AATK: variants seen among roughly 807,000 people sequenced by gnomAD.
The protein encoded by AATK is serine/threonine-protein kinase LMTK1.
Under a neutral mutation model 114.3 loss-of-function variants are expected in AATK, and 91 were observed. The ratio of observed to expected loss-of-function variants is 0.80; its 90% CI spans 0.67 to 0.95. The LOEUF is 0.95. AATK is among the 40% of genes least tolerant of loss of function. The pLI is 0.00. For missense variants in AATK, 2,176 were observed against 1,965.2 expected, an observed-to-expected ratio of 1.11 and a Z score of -2.03; for synonymous variants, 1,075 against 916.5, an observed-to-expected ratio of 1.17 and a Z score of -3.12.
chr17:81,163,801 A>G (rs1381540795), intron 1 of AATK, among the ~76,000 whole-genome samples: 6 of 152,244 alleles, frequency 3.9e-5, no homozygotes, highest in Non-Finnish European at 7.3e-5. Flanking sequence ...CGTCACCTCT[A>G]TGGAGACTGG....
chr17:81,157,080 T>C (rs988903157), intron 1 of AATK, among the ~76,000 whole-genome samples: 1 of 151,830 alleles, frequency 6.6e-6, no homozygotes, highest in Admixed American at 6.6e-5. Flanking sequence ...ACCAGACAGA[T>C]GTGGGCACCA....
Position 81,126,758 on chromosome 17 carries a change from G to T in AATK, c.622-198C>A. 7.1e-7 allele frequency: 1 copy of T among 1,403,924 alleles called. No individual in the cohort carries two copies. The highest frequency in any genetic ancestry group is 9.3e-7 in the Non-Finnish European group (1 of 1,080,646). The allele number at this position is 1,403,924 out of a possible 1,614,324, so 87.0% of individuals were successfully genotyped here. A position where few individuals can be genotyped will look rare whatever the true frequency, so the allele number is the denominator to read the frequency against. On this transcript the variant is annotated intron_variant, in intron 6 of 13. Coordinates refer to ENST00000326724, the MANE Select transcript of AATK (RefSeq NM_001080395.3). This position sits in a 1 kb window ranked among gnomAD's most constrained non-coding sequence, Gnocchi z 5.1. ...GGCCGTGTCCCCCAGGGCTGGGCTG[G>T]ACTGAAGGCTTCCTCTCCACTGCCC...
In AATK at chr17:81,121,020, G is replaced by GCCCTCA; in HGVS notation, c.2910_2915dup (p.Glu971_Gly972dup). ...TGGAGAGCCGTGTCTCGGGCCCGGG[G>GCCCTCA]CCCTCACCCTCTGAGGCCAGCTCCG... On this transcript the variant is annotated inframe_insertion, in exon 11 of 14. Coordinates refer to ENST00000326724, the MANE Select transcript of AATK (RefSeq NM_001080395.3). 1 of 1,610,184 alleles carries GCCCTCA rather than the reference G, an allele frequency of 6.2e-7. No individual in the cohort carries two copies. Among genetic ancestry groups the GCCCTCA allele is most frequent in the Non-Finnish European group, 8.5e-7 (1 of 1,178,926 alleles).
Position 81,124,971 on chromosome 17 carries a change from C to G in AATK, c.799G>C (p.Val267Leu). 1 of 1,581,072 alleles carries G rather than the reference C, an allele frequency of 6.3e-7. No individual in the cohort carries two copies. Among genetic ancestry groups the G allele is most frequent in the South Asian group, 1.2e-5 (1 of 85,630 alleles). ...GCCAGGCCATAGTCACCAATCTTCA[C>G]CGTCAGGTCAGCCGTGAGCAGGCAG... ...RNCLLTADLT[V>L]KIGDYGLAHC... The change falls in exon 8 of 14, where the codon GTG becomes CTG. Residue 267 changes from valine to leucine, a missense_variant. This residue lies in a region of AATK where 273 missense variants were observed against 344.1 expected (regional missense o/e 0.79). Coordinates refer to ENST00000326724, the MANE Select transcript of AATK (RefSeq NM_001080395.3).
chr17:81,142,296 A>G (rs2146363802), intron 1 of AATK, among the ~76,000 whole-genome samples: 1 of 148,146 alleles, frequency 6.8e-6, no homozygotes, highest in African/African-American at 2.5e-5. Context: ...TTTTTGAGAC[A>G]GAATCTTGCT....
chr17:81,141,036 A>G (rs2061130076), intron 1 of AATK, among the ~76,000 whole-genome samples: 1 of 108,202 alleles, frequency 9.2e-6, no homozygotes, highest in African/African-American at 3.4e-5. Context: ...GACCGTGGGG[A>G]CCATGGGGAC....
In AATK at chr17:81,121,996, G is replaced by A. The variant is rs905788705; in HGVS notation, c.1940C>T (p.Pro647Leu). ...AFFEDPLGTS[P>L]LGSSGAPPLP... is the part of the protein sequence containing the mutation. Reference sequence around the variant, plus strand: ...CGGGGGCGCCCCTGAGCTCCCCAAAGGGGACGTGCCCAGTGGGTCCTCGAA... The same window carrying A: ...CGGGGGCGCCCCTGAGCTCCCCAAAAGGGACGTGCCCAGTGGGTCCTCGAA... The change falls in exon 11 of 14, where the codon CCT (proline) becomes CTT (leucine). Residue 647 changes from proline to leucine, a missense_variant. Physicochemically the swap from Pro to Leu is moderately conservative, Grantham distance 98. Transcript: ENST00000326724. 3.7e-6 allele frequency: 6 copies of A among 1,601,976 alleles called. No homozygotes were observed. Among genetic ancestry groups the A allele is most frequent in the Non-Finnish European group, 5.1e-6 (6 of 1,179,144 alleles).
intron 1 of AATK, among the ~76,000 whole-genome samples, chr17:81,139,338 C>T (rs765907247): frequency 1.3e-5 from 2 of 152,192 alleles, no homozygotes; most frequent in Non-Finnish European, 2.9e-5. Flanking sequence ...GTAGGGTCTG[C>T]TTGCCTGTCC....
At chr17:81,133,958 G>A (rs528138834) in intron 2 of AATK, among the ~76,000 whole-genome samples, 3 of 152,316 alleles carry the variant, frequency 2.0e-5, no homozygotes, top group East Asian at 3.9e-4. Flanking sequence ...TTTGCAGATT[G>A]AATTCGGAGG....
chr17:81,125,345 A>G (rs1173007187), intron 7 of AATK: 1 of 677,544 alleles, frequency 1.5e-6, no homozygotes, highest in Non-Finnish European at 2.8e-6. Context: ...ACGCTTCTCC[A>G]GGACCCTCTC....
At chr17:81,154,214 G>A (rs549800933) in intron 1 of AATK, among the ~76,000 whole-genome samples, 1 of 152,276 alleles carries the variant, frequency 6.6e-6, no homozygotes, top group East Asian at 1.9e-4. Context: ...GGTAGTGAGA[G>A]GCAGCCAGCT....
intron 2 of AATK, chr17:81,132,112 A>G (rs2060942638): frequency 9.9e-7 from 1 of 1,009,662 alleles, no homozygotes; most frequent in Non-Finnish European, 1.3e-6. Flanking sequence ...TGAGAGCCAA[A>G]GTCTCCAAAG....
chr17:81,144,353 T>G (rs1436419416), intron 1 of AATK, among the ~76,000 whole-genome samples: 3 of 152,220 alleles, frequency 2.0e-5, no homozygotes, highest in Non-Finnish European at 4.4e-5. Flanking sequence ...GCCCTCCCCA[T>G]CGCTCTGTGC....
intron 1 of AATK, chr17:81,160,120 C>T: frequency 4.9e-6 from 2 of 411,036 alleles, no homozygotes; most frequent in Non-Finnish European, 3.3e-6. Context: ...CCTGCTCTGG[C>T]ACGGCCACCT....
chr17:81,138,095 C>T (rs1032409948), intron 1 of AATK, among the ~76,000 whole-genome samples: 20 of 150,320 alleles, frequency 1.3e-4, no homozygotes, highest in African/African-American at 4.7e-4. Context: ...TGCACACACG[C>T]GGACACATAC....
Position 81,120,010 on chromosome 17 carries a change from C to A in AATK, c.3809G>T (p.Ser1270Ile). The change falls in exon 12 of 14, where the codon AGC becomes ATC. Residue 1270 changes from serine (S) to isoleucine (I), a missense_variant. Around this residue, in one of 4 missense-constraint regions of AATK, gnomAD observed 1,701 missense variants for 1,394.7 expected, o/e 1.22. Coordinates refer to ENST00000326724, the MANE Select transcript of AATK (RefSeq NM_001080395.3). ...KESPPTFLRG[S>I]PGSPSAPNRP... The stretch of plus-strand genomic sequence containing the variant: ...GTTGGGGGCGCTGGGAGAGCCGGGG[C>A]TCCCCCTAAGGAACGTAGGGGGCGA... The A allele has an allele frequency of 1.4e-5, 21 of 1,448,310 alleles. No homozygotes were observed. Among genetic ancestry groups the A allele is most frequent in the Non-Finnish European group, 1.9e-5 (21 of 1,100,268 alleles). 89.7% of individuals were successfully genotyped at this position (1,448,310 alleles called of 1,614,324 possible).
intron 1 of AATK, 174 bp downstream of exon 1, chr17:81,165,764 A>G (rs2061481043): frequency 1.3e-6 from 2 of 1,517,762 alleles, no homozygotes; most frequent in South Asian, 1.2e-5. Context: ...GCTGGGGCCC[A>G]GGGCCTGCCC....
intron 1 of AATK, among the ~76,000 whole-genome samples, chr17:81,149,421 C>T (rs2061266504): frequency 6.6e-6 from 1 of 151,948 alleles, no homozygotes; most frequent in Non-Finnish European, 1.5e-5. Context: ...CCTTCCCCCA[C>T]CCTCACACCC....
chr17:81,154,186 C>T (rs538525486), intron 1 of AATK, among the ~76,000 whole-genome samples: 2 of 152,268 alleles, frequency 1.3e-5, no homozygotes, highest in South Asian at 2.1e-4. Context: ...CTCGTCGAAA[C>T]GCACAGCCTC....
Sources: allele counts gnomAD v4.1 joint callset (sites outside exome capture counted in the v4.1 genomes callset), GRCh38; gene constraint gnomAD v4.1.1; regional missense constraint gnomAD v4.1.1; non-coding constraint Gnocchi (gnomAD v3.1); transcripts MANE v1.5; gene names NCBI Gene and HGNC (gene_info 2026-07-23, HGNC 2026-07-21).